The following ARHGEF18 variants were observed in gnomAD, a reference collection of about 807,000 sequenced individuals.
ARHGEF18 encodes the protein rho guanine nucleotide exchange factor 18.
Under a neutral mutation model 155.7 loss-of-function variants are expected in ARHGEF18, and 93 were observed. That is an observed-to-expected ratio of 0.60 (90% CI 0.50 to 0.71). The LOEUF (loss-of-function observed/expected upper bound fraction) is 0.71, where lower values mean the gene tolerates loss of function less well. Among genes scored for constraint, ARHGEF18 ranks in the 30% least tolerant of loss-of-function variants. ARHGEF18 has a pLI of 0.00. For missense variants in ARHGEF18, 1,593 were observed against 1,816.1 expected (o/e 0.88, Z 2.23); for synonymous variants, 742 against 753.1 (o/e 0.99, Z 0.24).
In ARHGEF18 at chr19:7,454,835, C is replaced by T. The variant is rs145971539; in HGVS notation, c.2104+1120C>T. Among the ~76,000 whole-genome samples the T allele has an allele frequency of 9.0e-3, 1,374 of 152,208 alleles. 17 individuals carry two copies. Among genetic ancestry groups the T allele is most frequent in the African/African-American group, 0.032 (1,311 of 41,514 alleles). On this transcript the variant is annotated intron_variant, in intron 17 of 28. Coordinates refer to ENST00000668164, the MANE Select transcript of ARHGEF18 (RefSeq NM_001367823.1). ...AGAATTCCAAACACGCTCAGCTGCC[C>T]ATCTGGGCAGTCATGGGCCAGCCTG...
rs773492546 is a variant in ARHGEF18, at chr19:7,462,254, A to G, written c.2555A>G (p.Gln852Arg). The G allele has an allele frequency of 7.4e-6, 12 of 1,613,748 alleles. No homozygotes were observed. Among genetic ancestry groups the G allele is most frequent in the Admixed American group, 1.7e-5 (1 of 59,994 alleles). The change falls in exon 21 of 29, where the codon CAG (glutamine) becomes CGG (arginine). Residue 852 changes from glutamine to arginine, a missense_variant. By Grantham distance (43) the Gln-to-Arg change is conservative (BLOSUM62 1). Transcript: ENST00000668164. The surrounding 1 kb of genome is among the most constrained non-coding windows in gnomAD (Gnocchi z 4.4). ...AEMGGLEDLP[Q>R]PRGLFRGGDP... Reference sequence around the variant, plus strand: ...ATGGGCGGCCTCGAAGACCTGCCCCAGCCCCGAGGCCTATTCCGTGGAGGG... The same window carrying G: ...ATGGGCGGCCTCGAAGACCTGCCCCGGCCCCGAGGCCTATTCCGTGGAGGG...
Position 7,413,596 on chromosome 19 carries a change from C to T in ARHGEF18, c.968-26748C>T, listed in dbSNP as rs867716230. Among the ~76,000 whole-genome samples the T allele has an allele frequency of 1.5e-4, 17 of 110,842 alleles. No homozygotes were observed. In the Middle Eastern group the frequency reaches 0.022, roughly 142 times the overall value. 72.7% of individuals were successfully genotyped at this position (110,842 alleles called of 152,430 possible). On this transcript the variant is annotated intron_variant, in intron 10 of 28. Coordinates refer to ENST00000668164, the MANE Select transcript of ARHGEF18 (RefSeq NM_001367823.1). ...GATTACAGGCGTGAGCCACTGCGCC[C>T]GGCAAAAAAATCTTTTTTAATTAGC...
In ARHGEF18 at chr19:7,407,439, A is replaced by G. The variant is rs187092909; in HGVS notation, c.967+24236A>G. On this transcript the variant is annotated intron_variant, in intron 10 of 28. Coordinates refer to ENST00000668164, the MANE Select transcript of ARHGEF18 (RefSeq NM_001367823.1). Reference sequence around the variant, plus strand: ...AGACTGAGTCTCAAAAAAAAAAAAAAAGAAACCAACCTCTTTGCTACTTGT... The same window carrying G: ...AGACTGAGTCTCAAAAAAAAAAAAAGAGAAACCAACCTCTTTGCTACTTGT... Among the ~76,000 whole-genome samples, 416 of 151,942 alleles carry G rather than the reference A, an allele frequency of 2.7e-3. 5 individuals are homozygous for G. The highest frequency in any genetic ancestry group is 8.4e-3 in the African/African-American group (348 of 41,436).
At chr19:7,423,568 A>C (rs1973482088) in intron 10 of ARHGEF18, among the ~76,000 whole-genome samples, 1 of 151,890 alleles carries the variant, frequency 6.6e-6, no homozygotes, top group Non-Finnish European at 1.5e-5. Context: ...GGGCGTGGTA[A>C]TGCATGGCCG....
intron 1 of ARHGEF18, among the ~76,000 whole-genome samples, chr19:7,352,179 C>T (rs946209182): frequency 6.6e-6 from 1 of 151,716 alleles, no homozygotes; most frequent in East Asian, 1.9e-4. Context: ...CATTTTCCTC[C>T]ATAGAGCGTT....
rs1162194588 is a variant in ARHGEF18, at chr19:7,367,990, A to G, written c.16-4822A>G. ...AGAAAGGAAAGAAAGAGAGAGAGAG[A>G]GAGAGAGAGAGGGAGGGAGGGAGGG... On this transcript the variant is annotated intron_variant, in intron 2 of 28. Transcript: ENST00000668164. 9.2e-4 allele frequency among the ~76,000 whole-genome samples: 70 copies of G among 76,146 alleles called. 2 individuals are homozygous for G. The highest frequency in any genetic ancestry group is 5.4e-3 in the African/African-American group (66 of 12,252). The allele number at this position is 76,146 out of a possible 152,430, so 50.0% of individuals were successfully genotyped here.
At chr19:7,437,733 T>C (rs1974351707) in intron 10 of ARHGEF18, among the ~76,000 whole-genome samples, 1 of 150,612 alleles carries the variant, frequency 6.6e-6, no homozygotes, top group Admixed American at 6.7e-5. Context: ...AACCTCTGCC[T>C]CCCGGGTTCA....
rs1016734109 is a variant in ARHGEF18 at position 7,452,829 on chromosome 19, G to GCTA, written c.1856-637_1856-635dup. Among the ~76,000 whole-genome samples the GCTA allele has an allele frequency of 1.3e-4, 20 of 151,904 alleles. No individual in the cohort carries two copies. In the East Asian group the frequency reaches 3.5e-3, roughly 27 times the overall value. ...CGTTTACCAAGCAGTAGATGGCAGAGCTAGTCATGGCAGTTTTGCCACTTG... is the reference window on the plus strand; with the variant it reads ...CGTTTACCAAGCAGTAGATGGCAGAGCTACTAGTCATGGCAGTTTTGCCACTTG... On this transcript the variant is annotated intron_variant, in intron 16 of 28. Coordinates refer to ENST00000668164, the MANE Select transcript of ARHGEF18 (RefSeq NM_001367823.1).
At chr19:7,377,992 C>T (rs569516480) in intron 5 of ARHGEF18, among the ~76,000 whole-genome samples, 23 of 152,190 alleles carry the variant, frequency 1.5e-4, no homozygotes, top group African/African-American at 5.1e-4. Flanking sequence ...ACTCGGGAGG[C>T]TGAGACAGGA....
intron 2 of ARHGEF18, among the ~76,000 whole-genome samples, chr19:7,364,390 A>AAGGAAGGAAGGAAGGG (rs1555698655): frequency 0.029 from 4,238 of 147,194 alleles, 242 homozygotes; most frequent in African/African-American, 0.1. Flanking sequence ...GGAAGGAAGG[A>AAGGAAGGAAGGAAGGG]AGGAAGGAAG....
chr19:7,382,767 G>C, intron 8 of ARHGEF18, 25 bp from the exon 9 acceptor site: 2 of 1,231,598 alleles, frequency 1.6e-6, no homozygotes, highest in Non-Finnish European at 2.0e-6. Context: ...GCCCCCTCTA[G>C]TGGACCTTCC....
intron 1 of ARHGEF18, among the ~76,000 whole-genome samples, chr19:7,351,616 C>G (rs1969158571): frequency 6.6e-6 from 1 of 151,772 alleles, no homozygotes; most frequent in African/African-American, 2.4e-5. Context: ...ACCCACTGTG[C>G]CCAGCTAGAG....
Position 7,380,901 on chromosome 19 carries a change from C to T in ARHGEF18, c.645-16C>T. On this transcript the variant is annotated splice_polypyrimidine_tract_variant and intron_variant, in intron 7 of 28. Transcript: ENST00000668164. ...GAGGCTGCCGACCCAGGTATCTGTCCCCTCTGATCCTGCAGGGCCCGGCAG... is the reference window on the plus strand; with the variant it reads ...GAGGCTGCCGACCCAGGTATCTGTCTCCTCTGATCCTGCAGGGCCCGGCAG... 8.1e-7 allele frequency: 1 copy of T among 1,231,586 alleles called. No homozygotes were observed. The highest frequency in any genetic ancestry group is 1.0e-6 in the Non-Finnish European group (1 of 987,608). 76.3% of individuals were successfully genotyped at this position (1,231,586 alleles called of 1,614,324 possible). A position where few individuals can be genotyped will look rare whatever the true frequency, so the allele number is the denominator to read the frequency against.
intron 10 of ARHGEF18, among the ~76,000 whole-genome samples, chr19:7,438,862 T>G (rs1974441221): frequency 6.6e-6 from 1 of 151,866 alleles, no homozygotes; most frequent in African/African-American, 2.4e-5. Context: ...GAATGATGGT[T>G]GAGCTTTATT....
In ARHGEF18 at chr19:7,370,105, G is replaced by A. The variant is rs532745354; in HGVS notation, c.16-2707G>A. Among the ~76,000 whole-genome samples, 4 of 151,884 alleles carry A rather than the reference G, an allele frequency of 2.6e-5. No homozygotes were observed. The South Asian group carries it at 6.2e-4, about 24-fold the overall frequency. Reference sequence around the variant, plus strand: ...CCAACTACTCAGGAGGGTGAGGCACGAGAATCACTTGAACCCAGGAGGCAG... The same window carrying A: ...CCAACTACTCAGGAGGGTGAGGCACAAGAATCACTTGAACCCAGGAGGCAG... On this transcript the variant is annotated intron_variant, in intron 2 of 28. Transcript: ENST00000668164.
At chr19:7,416,085 G>A (rs1904466126) in intron 10 of ARHGEF18, among the ~76,000 whole-genome samples, 1 of 152,122 alleles carries the variant, frequency 6.6e-6, no homozygotes, top group Non-Finnish European at 1.5e-5. Flanking sequence ...TGTGCTTCTT[G>A]TTGGTGATGT....
Position 7,458,677 on chromosome 19 carries a change from A to C in ARHGEF18, c.2347A>C (p.Arg783=). The C allele has an allele frequency of 6.2e-7, 1 of 1,612,588 alleles. No individual in the cohort carries two copies. The highest frequency in any genetic ancestry group is 1.1e-5 in the South Asian group (1 of 90,972). ...DRNAWMAHIQ[R]AVESCPDEEE... is the part of the protein sequence containing the mutation. ...GAACGCCTGGATGGCCCACATCCAA[A>C]GGGCTGTGGAGAGGTGAGGAGGGCC... is the stretch of plus-strand genomic sequence containing the variant. The change falls in exon 19 of 29, where the codon AGG becomes CGG. Residue 783 remains arginine, a synonymous_variant. Coordinates refer to ENST00000668164, the MANE Select transcript of ARHGEF18 (RefSeq NM_001367823.1).
chr19:7,473,678 C>T (rs191900605), downstream of ARHGEF18, among the ~76,000 whole-genome samples: 1,565 of 152,068 alleles, frequency 0.01, 12 homozygotes, highest in Non-Finnish European at 0.016. Flanking sequence ...GGCGTGGTGG[C>T]GGGCGCCTGT....
chr19:7,437,908 G>T (rs1252472883), intron 10 of ARHGEF18, among the ~76,000 whole-genome samples: 1 of 151,908 alleles, frequency 6.6e-6, no homozygotes, highest in Non-Finnish European at 1.5e-5. Flanking sequence ...CTTCCAAAGT[G>T]CTGGGATTAC....
Sources: gnomAD v4.1 joint callset for allele counts (sites outside exome capture counted in the v4.1 genomes callset) on GRCh38, gnomAD v4.1.1 for gene constraint, Gnocchi (gnomAD v3.1) non-coding constraint, MANE v1.5 for transcripts, NCBI Gene and HGNC (gene_info 2026-07-23, HGNC 2026-07-21) for gene names.